The following CNNM4 variants were observed in gnomAD, a reference collection of about 807,000 sequenced individuals.
CNNM4 encodes cyclin and CBS domain divalent metal cation transport mediator 4, also known as metal transporter CNNM4.
CNNM4 carries 32 observed loss-of-function variants against 53.7 expected under a neutral mutation model. The observed-to-expected ratio is 0.60, with a 90% CI of 0.45 to 0.80. The LOEUF is 0.80. Ranked by LOEUF, CNNM4 falls within the 30% of genes least tolerant of loss-of-function variation. The probability of loss-of-function intolerance (pLI) is 0.00; values close to 1 mark genes in which losing one functional copy is unlikely to be tolerated. For synonymous variants in CNNM4, 410 were observed against 440.0 expected (o/e 0.93, Z 0.85); for missense variants, 784 against 1,022.0 (o/e 0.77, Z 3.17).
chr2:96,797,779 C>T lies in CNNM4; in HGVS notation c.1681+132C>T. 2 of 1,257,366 alleles carry T rather than the reference C, an allele frequency of 1.6e-6. No homozygotes were observed. The highest frequency in any genetic ancestry group is 2.5e-5 in the South Asian group (2 of 78,762). The allele number at this position is 1,257,366 out of a possible 1,614,324, so 77.9% of individuals were successfully genotyped here. A position where few individuals can be genotyped will look rare whatever the true frequency, so the allele number is the denominator to read the frequency against. On this transcript the variant is annotated intron_variant, in intron 3 of 6. Coordinates refer to ENST00000377075, the MANE Select transcript of CNNM4 (RefSeq NM_020184.4). This position sits in a 1 kb window ranked among gnomAD's most constrained non-coding sequence, Gnocchi z 6.0. ...GGGGTGCAGAGACAACACAGCCACC[C>T]CTGGAAGGGGCCGGGTATCTGCTCC...
At chr2:96,776,904 C>T (rs373234540) in intron 1 of CNNM4, among the ~76,000 whole-genome samples, 7 of 148,026 alleles carry the variant, frequency 4.7e-5, no homozygotes, top group Admixed American at 1.3e-4. Flanking sequence ...TGAGCCACTG[C>T]GCCCCACCTC....
At chr2:96,806,929 G>A (rs1452850662) in intron 5 of CNNM4, among the ~76,000 whole-genome samples, 1 of 152,158 alleles carries the variant, frequency 6.6e-6, no homozygotes, top group Non-Finnish European at 1.5e-5. Context: ...ACCCTGACCC[G>A]CCCCGGCCAG....
At chr2:96,794,378 A>G (rs2079085685) in intron 1 of CNNM4, among the ~76,000 whole-genome samples, 1 of 152,142 alleles carries the variant, frequency 6.6e-6, no homozygotes, top group Non-Finnish European at 1.5e-5. Context: ...AATACCCCCA[A>G]AGGTGACCAC....
rs139582999 is a variant in CNNM4, at chr2:96,761,962, C to G, written c.963C>G (p.Ser321Arg). ...LLTFPLSFPISKLLDFFLGQE... is the reference protein window; with the variant it reads ...LLTFPLSFPIRKLLDFFLGQE... Reference sequence around the variant, plus strand: ...CCTTCCCCCTCAGTTTTCCCATTAGCAAGCTCCTGGACTTTTTTCTGGGCC... The same window carrying G: ...CCTTCCCCCTCAGTTTTCCCATTAGGAAGCTCCTGGACTTTTTTCTGGGCC... The change falls in exon 1 of 7, where the codon AGC becomes AGG. Residue 321 changes from serine (S) to arginine (R), a missense_variant. This residue lies in a region of CNNM4 where 473 missense variants were observed against 624.6 expected (regional missense o/e 0.76). Coordinates refer to ENST00000377075, the MANE Select transcript of CNNM4 (RefSeq NM_020184.4). The surrounding 1 kb of genome is among the most constrained non-coding windows in gnomAD (Gnocchi z 6.0). 2 of 1,614,196 alleles carry G rather than the reference C, an allele frequency of 1.2e-6. No individual in the cohort carries two copies. The highest frequency in any genetic ancestry group is 1.7e-6 in the Non-Finnish European group (2 of 1,180,036).
Position 96,799,654 on chromosome 2 carries a change from T to C in CNNM4, c.1948+6T>C. The C allele has an allele frequency of 6.5e-7, 1 of 1,548,908 alleles. No individual in the cohort carries two copies. ...CCTGACCTCGGTCCCCTCCGGTGAGTTGTTGGGCATGGTCTTTGCTGCCCT... is the reference window on the plus strand; with the variant it reads ...CCTGACCTCGGTCCCCTCCGGTGAGCTGTTGGGCATGGTCTTTGCTGCCCT... On this transcript the variant is annotated splice_donor_region_variant and intron_variant, in intron 5 of 6. Transcript: ENST00000377075.
At chr2:96,803,947 G>A (rs577129390) in intron 5 of CNNM4, among the ~76,000 whole-genome samples, 1 of 152,248 alleles carries the variant, frequency 6.6e-6, no homozygotes, top group South Asian at 2.1e-4. Context: ...CACCTAGGCT[G>A]GAGAGCAGTG....
chr2:96,779,194 G>T (rs548377163), intron 1 of CNNM4, among the ~76,000 whole-genome samples: 1 of 152,124 alleles, frequency 6.6e-6, no homozygotes, highest in African/African-American at 2.4e-5. Context: ...TCCTGAGCTC[G>T]TGATCCGCCC....
intron 1 of CNNM4, among the ~76,000 whole-genome samples, chr2:96,796,058 T>A (rs1305603694): frequency 6.9e-6 from 1 of 145,698 alleles, no homozygotes. Flanking sequence ...GGCCTCTCTG[T>A]GCCCTTGTCA....
At position 96,797,137 on chromosome 2, in the gene CNNM4, G is replaced by A; in HGVS notation, c.1528G>A (p.Asp510Asn). The A allele has an allele frequency of 6.2e-7, 1 of 1,614,172 alleles. No homozygotes were observed. The highest frequency in any genetic ancestry group is 8.5e-7 in the Non-Finnish European group (1 of 1,180,032). ...GGAGATCATCAAGTCGGAGATCCTGGACGAGTCCGACATGTACAGTGAGTC... is the reference window on the plus strand; with the variant it reads ...GGAGATCATCAAGTCGGAGATCCTGAACGAGTCCGACATGTACAGTGAGTC... ...IEEIIKSEIL[D>N]ESDMYTDNRS... is the part of the protein sequence containing the mutation. The change falls in exon 2 of 7, where the codon GAC becomes AAC. Residue 510 changes from aspartate to asparagine, a missense_variant. By Grantham distance (23) the Asp-to-Asn change is conservative (BLOSUM62 1). This residue lies in a region of CNNM4 where 307 missense variants were observed against 376.3 expected (regional missense o/e 0.82). Transcript: ENST00000377075. The surrounding 1 kb of genome is among the most constrained non-coding windows in gnomAD (Gnocchi z 6.0).
chr2:96,781,631 C>T (rs187180263), intron 1 of CNNM4, among the ~76,000 whole-genome samples: 4 of 152,334 alleles, frequency 2.6e-5, no homozygotes, highest in Admixed American at 2.6e-4. Flanking sequence ...TTAATGTATT[C>T]ACCAACCAGG....
In CNNM4 at chr2:96,797,263, C is replaced by T; in HGVS notation, c.1546+108C>T. 1 of 1,504,384 alleles carries T rather than the reference C, an allele frequency of 6.6e-7. No individual in the cohort carries two copies. 93.2% of individuals were successfully genotyped at this position (1,504,384 alleles called of 1,614,324 possible). A position where few individuals can be genotyped will look rare whatever the true frequency, so the allele number is the denominator to read the frequency against. ...GCAGGGACACAGGAGGCCTAGCATC[C>T]AGAGGCCCAGTGGCTGGGTGCCCTG... On this transcript the variant is annotated intron_variant, in intron 2 of 6. Transcript: ENST00000377075. The surrounding 1 kb of genome is among the most constrained non-coding windows in gnomAD (Gnocchi z 6.0).
rs561036245 is a variant in CNNM4, at chr2:96,761,364, A to G, written c.365A>G (p.Asn122Ser). 2.8e-5 allele frequency: 46 copies of G among 1,614,084 alleles called. No individual in the cohort carries two copies. In the Admixed American group the frequency reaches 3.2e-4, roughly 11 times the overall value. The change falls in exon 1 of 7, where the codon AAC (asparagine) becomes AGC (serine). Residue 122 changes from asparagine to serine, a missense_variant. Asn to Ser is a conservative substitution (Grantham distance 46). Around this residue, in one of 3 missense-constraint regions of CNNM4, gnomAD observed 473 missense variants for 624.6 expected, o/e 0.76. Coordinates refer to ENST00000377075, the MANE Select transcript of CNNM4 (RefSeq NM_020184.4). The surrounding 1 kb of genome is among the most constrained non-coding windows in gnomAD (Gnocchi z 6.0). Reference protein sequence around the residue: ...TKDLVVQQLVNVSRGNTSGVL... With the variant: ...TKDLVVQQLVSVSRGNTSGVL... ...GACCTGGTCGTCCAGCAGCTGGTCA[A>G]CGTGAGCCGCGGGAACACGTCCGGC... is the stretch of plus-strand genomic sequence containing the variant.
At chr2:96,771,037 C>T (rs2153344928) in intron 1 of CNNM4, among the ~76,000 whole-genome samples, 1 of 152,280 alleles carries the variant, frequency 6.6e-6, no homozygotes, top group Middle Eastern at 3.4e-3. Context: ...CCAGAGGTAC[C>T]CGGCTGGCCC....
chr2:96,803,788 G>A (rs1397795794), intron 5 of CNNM4, among the ~76,000 whole-genome samples: 1 of 152,026 alleles, frequency 6.6e-6, no homozygotes, highest in Non-Finnish European at 1.5e-5. Flanking sequence ...TAAAAGTAAG[G>A]TAGCTTATTG....
intron 3 of CNNM4, among the ~76,000 whole-genome samples, 179 bp from the exon 4 acceptor site, chr2:96,798,878 C>CT (rs755727731): frequency 6.6e-6 from 1 of 152,174 alleles, no homozygotes; most frequent in Non-Finnish European, 1.5e-5. Context: ...TGTATCCAAC[C>CT]AGTCAGAAGC....
intron 6 of CNNM4, among the ~76,000 whole-genome samples, chr2:96,809,002 G>T (rs1378533932): frequency 1.5e-4 from 21 of 142,236 alleles, no homozygotes; most frequent in African/African-American, 4.6e-4. Context: ...GTGGCTTCGG[G>T]TTTTTTTTTT....
Position 96,797,594 on chromosome 2 carries a change from A to C in CNNM4, c.1628A>C (p.Lys543Thr). The C allele has an allele frequency of 6.2e-7, 1 of 1,614,190 alleles. No individual in the cohort carries two copies. Among genetic ancestry groups the C allele is most frequent in the Non-Finnish European group, 8.5e-7 (1 of 1,180,028 alleles). The change falls in exon 3 of 7, where the codon AAA becomes ACA. Residue 543 changes from lysine (K) to threonine (T), a missense_variant. Transcript: ENST00000377075. The surrounding 1 kb of genome is among the most constrained non-coding windows in gnomAD (Gnocchi z 6.0). The stretch of plus-strand genomic sequence containing the variant: ...TTCAAGGATGCGGACAATGAGCTCA[A>C]AGTGAAAATCTCCCCGCAGCTCCTC... ...SAFKDADNELKVKISPQLLLA... is the reference protein window; with the variant it reads ...SAFKDADNELTVKISPQLLLA...
At chr2:96,793,261 A>C (rs2079076905) in intron 1 of CNNM4, among the ~76,000 whole-genome samples, 1 of 152,098 alleles carries the variant, frequency 6.6e-6, no homozygotes, top group Non-Finnish European at 1.5e-5. Context: ...CCTTGACCAG[A>C]GGCTCTCTGG....
intron 5 of CNNM4, among the ~76,000 whole-genome samples, chr2:96,807,410 GTCATAAGA>G (rs1401233829): frequency 3.3e-5 from 5 of 152,014 alleles, no homozygotes; most frequent in Admixed American, 2.6e-4. Flanking sequence ...ATCACCAGCA[GTCATAAGA>G]TCGAGACCAT....
Sources: gnomAD v4.1 joint callset for allele counts (sites outside exome capture counted in the v4.1 genomes callset) on GRCh38, gnomAD v4.1.1 for gene constraint, gnomAD v4.1.1 regional missense constraint, Gnocchi (gnomAD v3.1) non-coding constraint, MANE v1.5 for transcripts, NCBI Gene and HGNC (gene_info 2026-07-23, HGNC 2026-07-21) for gene names.